CDH18: variants seen among roughly 807,000 people sequenced by gnomAD.
CDH18 encodes the protein cadherin-18.
In CDH18, 31 loss-of-function variants were observed where a neutral mutation model predicts 67.9. The observed-to-expected ratio is 0.46, with a 90% CI of 0.34 to 0.62. CDH18 has a LOEUF of 0.62. Ranked by LOEUF, CDH18 falls within the 20% of genes least tolerant of loss-of-function variation. CDH18 has a pLI of 0.01. For synonymous variants in CDH18, 362 were observed against 347.2 expected, an observed-to-expected ratio of 1.04 and a Z score of -0.48; for missense variants, 890 against 975.5, an observed-to-expected ratio of 0.91 and a Z score of 1.17.
chr5:20,016,708 T>C (rs1737913534), intron 2 of CDH18, among the ~76,000 whole-genome samples: 1 of 152,142 alleles, frequency 6.6e-6, no homozygotes, highest in Non-Finnish European at 1.5e-5. Flanking sequence ...GTATCTAACC[T>C]TTGTTCTAGG....
At chr5:19,763,820 C>T (rs1471891596) in intron 3 of CDH18, among the ~76,000 whole-genome samples, 6 of 151,604 alleles carry the variant, frequency 4.0e-5, no homozygotes, top group African/African-American at 1.5e-4. Flanking sequence ...AGATGGAAAA[C>T]AAAAGCATAT....
intron 3 of CDH18, among the ~76,000 whole-genome samples, chr5:19,815,613 G>A (rs1420292693): frequency 6.6e-6 from 1 of 151,694 alleles, no homozygotes; most frequent in Admixed American, 6.6e-5. Flanking sequence ...TATAGAATAA[G>A]GTCAGTGATA....
intron 2 of CDH18, among the ~76,000 whole-genome samples, chr5:19,911,455 C>T (rs886710042): frequency 6.6e-6 from 1 of 152,076 alleles, no homozygotes; most frequent in African/African-American, 2.4e-5. Context: ...CCCTCACCCC[C>T]AGATTCATAT....
chr5:20,275,737 A>T (rs144476667), intron 1 of CDH18, among the ~76,000 whole-genome samples: 1 of 152,210 alleles, frequency 6.6e-6, no homozygotes, highest in African/African-American at 2.4e-5. Flanking sequence ...ATCAAACTTC[A>T]GGTGAGTGAT....
At chr5:20,152,067 A>G (rs970601368) in intron 2 of CDH18, among the ~76,000 whole-genome samples, 1 of 148,282 alleles carries the variant, frequency 6.7e-6, no homozygotes, top group Admixed American at 6.8e-5. Flanking sequence ...TTTGGGTAAG[A>G]GAGCAATTAT....
intron 5 of CDH18, among the ~76,000 whole-genome samples, chr5:19,685,386 T>C (rs1760935146): frequency 6.6e-6 from 1 of 152,192 alleles, no homozygotes; most frequent in Admixed American, 6.5e-5. Context: ...TGGGACACAT[T>C]GGTTCCAAAG....
chr5:20,398,872 C>T (rs906633969), intron 1 of CDH18, among the ~76,000 whole-genome samples: 80 of 148,422 alleles, frequency 5.4e-4, no homozygotes, highest in South Asian at 1.7e-3. Flanking sequence ...CACACGTATA[C>T]CTACGTAGAA....
chr5:19,948,534 G>A (rs1284067415), intron 2 of CDH18, among the ~76,000 whole-genome samples: 1 of 152,092 alleles, frequency 6.6e-6, no homozygotes, highest in African/African-American at 2.4e-5. Flanking sequence ...CCTCTGTAAG[G>A]GTTTCTGTTT....
intron 5 of CDH18, among the ~76,000 whole-genome samples, chr5:19,633,450 G>A (rs1752684270): frequency 6.6e-6 from 1 of 152,044 alleles, no homozygotes; most frequent in Admixed American, 6.5e-5. Context: ...CTCACCGATG[G>A]CATGGTGTTA....
intron 2 of CDH18, among the ~76,000 whole-genome samples, chr5:20,233,073 T>A (rs1193372156): frequency 9.9e-5 from 15 of 151,836 alleles, no homozygotes; most frequent in Admixed American, 9.8e-4. Context: ...TCTAAGAAAC[T>A]CAGAACATTT....
At position 19,529,609 on chromosome 5, in the gene CDH18, A is replaced by C. The variant is rs1009674093; in HGVS notation, c.1391-8831T>G. Among the ~76,000 whole-genome samples the C allele has an allele frequency of 5.9e-5, 9 of 152,110 alleles. No individual in the cohort carries two copies. The East Asian group carries it at 1.5e-3, about 26-fold the overall frequency. The stretch of plus-strand genomic sequence containing the variant: ...TACCATATAATATACAAAAAAATAG[A>C]ATTATTAAAACAGTCTAGCAGTATC... On this transcript the variant is annotated intron_variant, in intron 9 of 12. Coordinates refer to ENST00000382275, the MANE Select transcript of CDH18 (RefSeq NM_004934.5).
At chr5:20,244,704 T>A (rs1743241435) in intron 2 of CDH18, among the ~76,000 whole-genome samples, 1 of 152,146 alleles carries the variant, frequency 6.6e-6, no homozygotes, top group African/African-American at 2.4e-5. Context: ...AGTTTATGAT[T>A]TTCAAAATTT....
chr5:19,834,712 T>A lies in CDH18; in HGVS notation c.228+4047A>T, dbSNP rs143601498. Among the ~76,000 whole-genome samples the A allele has an allele frequency of 5.4e-3, 828 of 152,300 alleles. 3 individuals are homozygous for A. Among genetic ancestry groups the A allele is most frequent in the South Asian group, 0.011 (54 of 4,832 alleles). ...TGCTTTAGCTGTGTCCCAGAGATTC[T>A]GGTGTGTTGTCTCATGGTTCTCATT... On this transcript the variant is annotated intron_variant, in intron 3 of 12. Transcript: ENST00000382275.
At chr5:20,274,398 G>T (rs1170258938) in intron 1 of CDH18, among the ~76,000 whole-genome samples, 1 of 151,890 alleles carries the variant, frequency 6.6e-6, no homozygotes, top group Admixed American at 6.6e-5. Context: ...AACCTACAAG[G>T]GTACAATTTA....
At chr5:20,307,339 A>C (rs1196687726) in intron 1 of CDH18, among the ~76,000 whole-genome samples, 1 of 152,102 alleles carries the variant, frequency 6.6e-6, no homozygotes, top group African/African-American at 2.4e-5. Context: ...TAGAGGGCAG[A>C]GTAGATGTGG....
chr5:20,158,273 T>G (rs1751713048), intron 2 of CDH18, among the ~76,000 whole-genome samples: 1 of 152,158 alleles, frequency 6.6e-6, no homozygotes, highest in Admixed American at 6.6e-5. Flanking sequence ...TGGACTAAAT[T>G]TTGTTTAATA....
intron 4 of CDH18, among the ~76,000 whole-genome samples, chr5:19,736,894 G>A (rs1521026): frequency 0.89 from 135,909 of 152,226 alleles, 62,499 homozygotes; most frequent in East Asian, 1. Context: ...GCCAGAGTAT[G>A]AGTACAAGAA....
At chr5:19,615,987 T>A (rs1237454459) in intron 5 of CDH18, among the ~76,000 whole-genome samples, 1 of 152,164 alleles carries the variant, frequency 6.6e-6, no homozygotes, top group Admixed American at 6.6e-5. Flanking sequence ...GAAAACTGCA[T>A]AAACATCTAC....
intron 4 of CDH18, among the ~76,000 whole-genome samples, chr5:19,741,327 GTC>G (rs201636129): frequency 9.9e-4 from 46 of 46,582 alleles, no homozygotes; most frequent in African/African-American, 1.8e-3. Context: ...GTATATACAT[GTC>G]TCACACACAC....
Sources: gnomAD v4.1 joint callset for allele counts (sites outside exome capture counted in the v4.1 genomes callset) on GRCh38, gnomAD v4.1.1 for gene constraint, MANE v1.5 for transcripts, NCBI Gene and HGNC (gene_info 2026-07-23, HGNC 2026-07-21) for gene names.